Variants in SAMD12 observed in about 807,000 individuals in gnomAD.
SAMD12 encodes the protein sterile alpha motif domain containing 12.
In SAMD12, 9 loss-of-function variants were observed where a neutral mutation model predicts 15.0. The observed-to-expected ratio is 0.60, with a 90% CI of 0.36 to 1.05. The LOEUF is 1.05. Ranked by LOEUF, SAMD12 falls within the 50% of genes least tolerant of loss-of-function variation. The pLI is 0.01. For missense variants in SAMD12, 230 were observed against 234.2 expected, an observed-to-expected ratio of 0.98 and a Z score of 0.12; for synonymous variants, 86 against 90.1, an observed-to-expected ratio of 0.96 and a Z score of 0.25.
chr8:118,584,951 AC>A (rs1429694325), intron 1 of SAMD12, among the ~76,000 whole-genome samples: 49 of 151,574 alleles, frequency 3.2e-4, no homozygotes, highest in Non-Finnish European at 6.5e-4. Context: ...ACACACACAC[AC>A]ACAAACACAC....
intron 2 of SAMD12, among the ~76,000 whole-genome samples, chr8:118,524,985 A>T (rs544079613): frequency 3.9e-5 from 6 of 152,304 alleles, no homozygotes; most frequent in African/African-American, 1.4e-4. Flanking sequence ...ATCAAATCGT[A>T]TCAAAACCCA....
chr8:118,221,072 G>A (rs1286790767), intron 4 of SAMD12, among the ~76,000 whole-genome samples: 1 of 152,012 alleles, frequency 6.6e-6, no homozygotes. Context: ...GATGAAAGGA[G>A]TGCCTATGAG....
At chr8:118,533,142 T>C (rs1357290222) in intron 2 of SAMD12, among the ~76,000 whole-genome samples, 1 of 152,246 alleles carries the variant, frequency 6.6e-6, no homozygotes, top group East Asian at 1.9e-4. Context: ...TGTTGTGTCT[T>C]TGTTCTCGTT....
At chr8:118,202,322 G>T (rs1465552001) in intron 4 of SAMD12, among the ~76,000 whole-genome samples, 7 of 152,192 alleles carry the variant, frequency 4.6e-5, no homozygotes, top group African/African-American at 1.2e-4. Flanking sequence ...GCCAGGAAAA[G>T]AAACAAAATA....
Position 118,290,741 on chromosome 8 carries a change from G to A in SAMD12, c.433+88819C>T, listed in dbSNP as rs556853451. On this transcript the variant is annotated intron_variant, in intron 4 of 4. Transcript: ENST00000409003. ...TCTTGCAAAAAGTAAAACTCATAGG[G>A]AAACTAAGTTCTGAGTGGGAACTTG... is the stretch of plus-strand genomic sequence containing the variant. Among the ~76,000 whole-genome samples, 3 of 152,272 alleles carry A rather than the reference G, an allele frequency of 2.0e-5. No homozygotes were observed. In the East Asian group the frequency reaches 5.8e-4, roughly 29 times the overall value.
chr8:118,517,751 T>A (rs1407279466), intron 2 of SAMD12, among the ~76,000 whole-genome samples: 1 of 152,220 alleles, frequency 6.6e-6, no homozygotes, highest in Admixed American at 6.5e-5. Context: ...CAGCATTTTT[T>A]GGTAATGTCT....
In SAMD12 at chr8:118,457,220, CTCT is replaced by C. The variant is rs1302593604; in HGVS notation, c.193-17262_193-17260del. The stretch of plus-strand genomic sequence containing the variant: ...CTACTGCTACTAACTCTCTCTCTCT[CTCT>C]TTTTTTTTTTTTTTGTTTGCTTTTT... On this transcript the variant is annotated intron_variant, in intron 2 of 3. Transcript: ENST00000314727. 5.9e-4 allele frequency among the ~76,000 whole-genome samples: 64 copies of C among 107,618 alleles called. 1 individual carries two copies. The highest frequency in any genetic ancestry group is 1.6e-3 in the Admixed American group (14 of 8,932). The allele number at this position is 107,618 out of a possible 152,430, so 70.6% of individuals were successfully genotyped here. A position where few individuals can be genotyped will look rare whatever the true frequency, so the allele number is the denominator to read the frequency against.
At chr8:118,281,648 C>T (rs1301412672) in intron 4 of SAMD12, among the ~76,000 whole-genome samples, 1 of 152,178 alleles carries the variant, frequency 6.6e-6, no homozygotes, top group Non-Finnish European at 1.5e-5. Flanking sequence ...CCAGAAGTTG[C>T]TCAAAACCTG....
At chr8:118,574,940 C>G (rs1184943620) in intron 2 of SAMD12, among the ~76,000 whole-genome samples, 2 of 152,214 alleles carry the variant, frequency 1.3e-5, no homozygotes, top group African/African-American at 4.8e-5. Context: ...AACAGACCTT[C>G]TCAAAGGCAG....
At chr8:118,376,546 G>T (rs1432443122), downstream of SAMD12, among the ~76,000 whole-genome samples, 1 of 152,146 alleles carries the variant, frequency 6.6e-6, no homozygotes, top group Non-Finnish European at 1.5e-5. Flanking sequence ...TTGTAAGAGA[G>T]AAATTTTTGT....
At chr8:118,154,007 C>A in the SAMD12 span, among the ~76,000 whole-genome samples, 1 of 151,972 alleles carries the variant, frequency 6.6e-6, no homozygotes, top group Non-Finnish European at 1.5e-5. Context: ...GCTGCAGTGA[C>A]CCTAACTGAT....
the SAMD12 span, among the ~76,000 whole-genome samples, chr8:118,150,979 G>A: frequency 6.6e-6 from 1 of 152,034 alleles, no homozygotes; most frequent in Non-Finnish European, 1.5e-5. Context: ...AGGAGGTGGG[G>A]GGATCACTTG....
At chr8:118,261,570 C>G (rs1274252744) in intron 4 of SAMD12, among the ~76,000 whole-genome samples, 1 of 151,924 alleles carries the variant, frequency 6.6e-6, no homozygotes, top group Non-Finnish European at 1.5e-5. Context: ...TCTTAGTTAG[C>G]AAATGCCTGC....
chr8:118,523,492 T>TG (rs1292779343), intron 2 of SAMD12, among the ~76,000 whole-genome samples: 1 of 152,164 alleles, frequency 6.6e-6, no homozygotes, highest in Non-Finnish European at 1.5e-5. Context: ...CCCAGGGCTT[T>TG]GGGAATAAAG....
rs11384671 is a variant in SAMD12 at position 118,507,991 on chromosome 8, C to CTTTTTTT, written c.193-68037_193-68031dup. ...GCAAACCCCTAGATAGTATAATCTC[C>CTTTTTTT]TTTTTTTTTTTTTTTTTTTTGAGAC... On this transcript the variant is annotated intron_variant, in intron 2 of 3. Transcript: ENST00000314727. Among the ~76,000 whole-genome samples, 187 of 108,794 alleles carry CTTTTTTT rather than the reference C, an allele frequency of 1.7e-3. 6 individuals carry two copies. The highest frequency in any genetic ancestry group is 6.8e-3 in the Middle Eastern group (1 of 148). The allele number at this position is 108,794 out of a possible 152,430, so 71.4% of individuals were successfully genotyped here. A position where few individuals can be genotyped will look rare whatever the true frequency, so the allele number is the denominator to read the frequency against.
chr8:118,251,860 G>A (rs1298883111), intron 4 of SAMD12, among the ~76,000 whole-genome samples: 2 of 151,856 alleles, frequency 1.3e-5, no homozygotes, highest in African/African-American at 4.8e-5. Context: ...TCTCCCGTGT[G>A]CTCAGCATAA....
At chr8:118,213,026 G>T (rs577577368) in intron 4 of SAMD12, among the ~76,000 whole-genome samples, 1 of 152,156 alleles carries the variant, frequency 6.6e-6, no homozygotes, top group African/African-American at 2.4e-5. Flanking sequence ...AAGCATAAAA[G>T]GGTGGAGGGA....
intron 2 of SAMD12, among the ~76,000 whole-genome samples, chr8:118,533,975 T>C (rs1825762486): frequency 6.6e-6 from 1 of 152,236 alleles, no homozygotes; most frequent in Non-Finnish European, 1.5e-5. Context: ...GTGAATTTGA[T>C]CCTGTCGTTA....
At chr8:118,558,592 T>C (rs2131204224) in intron 2 of SAMD12, among the ~76,000 whole-genome samples, 1 of 152,268 alleles carries the variant, frequency 6.6e-6, no homozygotes, top group African/African-American at 2.4e-5. Flanking sequence ...AGAGTCTGAT[T>C]CTGTCTCCCA....
Sources: gnomAD v4.1 joint callset for allele counts (sites outside exome capture counted in the v4.1 genomes callset) on GRCh38, gnomAD v4.1.1 for gene constraint, MANE v1.5 for transcripts, NCBI Gene and HGNC (gene_info 2026-07-23, HGNC 2026-07-21) for gene names.